The following PDE5A variants were observed in gnomAD, a reference collection of about 807,000 sequenced individuals.
PDE5A encodes the protein cGMP-specific 3',5'-cyclic phosphodiesterase.
A neutral mutation model predicts 110.2 loss-of-function variants in PDE5A; 67 were observed. The observed-to-expected ratio is 0.61, with a 90% CI of 0.50 to 0.75. PDE5A has a LOEUF of 0.75. Among genes scored for constraint, PDE5A ranks in the 30% least tolerant of loss-of-function variants. The pLI is 0.00. For synonymous variants in PDE5A, 328 were observed against 351.2 expected (o/e 0.93, Z 0.74); for missense variants, 862 against 1,045.1 (o/e 0.82, Z 2.42).
At chr4:119,597,409 C>T (rs190309686) in intron 2 of PDE5A, among the ~76,000 whole-genome samples, 6 of 151,652 alleles carry the variant, frequency 4.0e-5, no homozygotes, top group East Asian at 3.9e-4. Flanking sequence ...AATAATACCA[C>T]GGTTATCAAA....
chr4:119,626,873 C>T (rs1730365441), intron 1 of PDE5A, among the ~76,000 whole-genome samples: 1 of 151,876 alleles, frequency 6.6e-6, no homozygotes, highest in African/African-American at 2.4e-5. Flanking sequence ...GTCAAAAAAC[C>T]CTGAAAGTGA....
intron 19 of PDE5A, chr4:119,502,305 G>A (rs1185782409): frequency 3.9e-6 from 1 of 258,378 alleles, no homozygotes; most frequent in Non-Finnish European, 7.4e-6. Context: ...AAGAATATTT[G>A]TTAAAATGAA....
At chr4:119,614,108 A>C (rs899896960) in intron 1 of PDE5A, among the ~76,000 whole-genome samples, 2 of 151,906 alleles carry the variant, frequency 1.3e-5, no homozygotes, top group Non-Finnish European at 2.9e-5. Flanking sequence ...TGTTTTCTTA[A>C]GGTAAAAACA....
chr4:119,548,346 C>G (rs565731126), intron 9 of PDE5A: 1 of 152,280 alleles, frequency 6.6e-6, no homozygotes, highest in East Asian at 1.9e-4. Context: ...CCGCGCCCAG[C>G]CTTCTCCGTG....
At chr4:119,593,836 G>A (rs1729063275) in intron 3 of PDE5A, among the ~76,000 whole-genome samples, 1 of 152,162 alleles carries the variant, frequency 6.6e-6, no homozygotes, top group Non-Finnish European at 1.5e-5. Flanking sequence ...TTGCTGGGGA[G>A]TCCCCAGGAA....
intron 3 of PDE5A, among the ~76,000 whole-genome samples, chr4:119,579,231 A>G (rs1292766941): frequency 1.3e-5 from 2 of 152,112 alleles, no homozygotes; most frequent in Non-Finnish European, 2.9e-5. Flanking sequence ...ACACTTTTAC[A>G]CTGTTGGTGG....
chr4:119,539,180 G>T (rs1726834652), intron 10 of PDE5A, 161 bp from the exon 11 acceptor site: 1 of 626,164 alleles, frequency 1.6e-6, no homozygotes, highest in South Asian at 2.1e-5. Context: ...GAAAAACCCA[G>T]ATTTAGATTC....
At chr4:119,522,769 A>G (rs1276004851) in intron 12 of PDE5A, among the ~76,000 whole-genome samples, 1 of 151,942 alleles carries the variant, frequency 6.6e-6, no homozygotes, top group Non-Finnish European at 1.5e-5. Flanking sequence ...AATTATGGTC[A>G]TATCTGGTAA....
chr4:119,592,374 C>T (rs1344486174), intron 3 of PDE5A, among the ~76,000 whole-genome samples: 4 of 144,098 alleles, frequency 2.8e-5, no homozygotes, highest in Admixed American at 7.2e-5. Flanking sequence ...AGGAGAATGG[C>T]GCAAACCCGG....
At position 119,507,606 on chromosome 4, in the gene PDE5A, A is replaced by G; in HGVS notation, c.2187T>C (p.Ile729=). Residue 729 remains isoleucine (I), a splice_region_variant and synonymous_variant, in exon 16 of 21, where the codon ATT becomes ATC. Transcript: ENST00000354960. ...TCAGGTTATTTCTTAAAACTTACTT[A>G]ATGTACAGTGCTAGGTCTGTAGCTA... ...AILATDLALY[I]KRRGEFFELI... 6.5e-7 allele frequency: 1 copy of G among 1,545,572 alleles called. No homozygotes were observed. Among genetic ancestry groups the G allele is most frequent in the Non-Finnish European group, 8.8e-7 (1 of 1,139,722 alleles).
intron 3 of PDE5A, among the ~76,000 whole-genome samples, chr4:119,592,162 A>C (rs1425722132): frequency 7.0e-6 from 1 of 142,054 alleles, no homozygotes; most frequent in African/African-American, 2.6e-5. Context: ...AAAAAAAAAA[A>C]AAAAAAAAAA....
intron 3 of PDE5A, among the ~76,000 whole-genome samples, chr4:119,583,915 A>G (rs1472176466): frequency 6.6e-6 from 1 of 152,252 alleles, no homozygotes; most frequent in Non-Finnish European, 1.5e-5. Context: ...TTTCAAAAGC[A>G]GATGGGAGAA....
Position 119,507,634 on chromosome 4 carries a change from A to G in PDE5A, c.2159T>C (p.Ile720Thr). The change falls in exon 16 of 21, where the codon ATT (isoleucine) becomes ACT (threonine). Residue 720 changes from isoleucine to threonine, a missense_variant. Physicochemically the swap from Ile to Thr is moderately conservative, Grantham distance 89. Transcript: ENST00000354960. ...GTACAGTGCTAGGTCTGTAGCTAAA[A>G]TAGCTTGCTTGATTATTTTCAACGT... The part of the protein sequence containing the change: ...KTTLKIIKQA[I>T]LATDLALYIK... The G allele has an allele frequency of 6.3e-7, 1 of 1,582,396 alleles. No homozygotes were observed. The highest frequency in any genetic ancestry group is 8.6e-7 in the Non-Finnish European group (1 of 1,168,658).
intron 3 of PDE5A, among the ~76,000 whole-genome samples, chr4:119,583,214 A>C (rs1413408191): frequency 6.6e-6 from 1 of 152,242 alleles, no homozygotes; most frequent in Non-Finnish European, 1.5e-5. Context: ...CTTCTCCATC[A>C]GTACTTGCTT....
chr4:119,625,034 G>A (rs1348300174), intron 1 of PDE5A, among the ~76,000 whole-genome samples: 1 of 141,566 alleles, frequency 7.1e-6, no homozygotes, highest in African/African-American at 2.6e-5. Flanking sequence ...TTTTTGAGAT[G>A]GAGTCTCACT....
intron 4 of PDE5A, 130 bp from the exon 5 acceptor site, chr4:119,565,540 GGAT>G (rs1330843456): frequency 1.5e-6 from 1 of 651,780 alleles, no homozygotes; most frequent in African/African-American, 1.8e-5. Context: ...CATAAAATTA[GGAT>G]GATATAAACT....
chr4:119,518,983 TA>T, intron 14 of PDE5A, 61 bp downstream of exon 14: 11 of 1,214,240 alleles, frequency 9.1e-6, no homozygotes, highest in Non-Finnish European at 1.3e-5. Flanking sequence ...GGCTTTAACT[TA>T]AAAAAAGACA....
chr4:119,529,112 G>A (rs1432246298), intron 11 of PDE5A, among the ~76,000 whole-genome samples: 1 of 150,670 alleles, frequency 6.6e-6, no homozygotes, highest in African/African-American at 2.5e-5. Context: ...TTCTGAAATT[G>A]TCATTTTTTT....
At chr4:119,594,561 T>C (rs1048967562) in intron 3 of PDE5A, among the ~76,000 whole-genome samples, 6 of 152,216 alleles carry the variant, frequency 3.9e-5, no homozygotes, top group Admixed American at 2.6e-4. Flanking sequence ...ATGGGACACA[T>C]TTCTTTAAAA....
Sources: allele counts gnomAD v4.1 joint callset (sites outside exome capture counted in the v4.1 genomes callset), GRCh38; gene constraint gnomAD v4.1.1; transcripts MANE v1.5; gene names NCBI Gene and HGNC (gene_info 2026-07-23, HGNC 2026-07-21).